Variants in PLEKHD1 observed in about 807,000 individuals in gnomAD.
PLEKHD1 encodes pleckstrin homology domain-containing family D member 1.
Under a neutral mutation model 69.2 loss-of-function variants are expected in PLEKHD1, and 51 were observed. The ratio of observed to expected loss-of-function variants is 0.74; its 90% confidence interval spans 0.59 to 0.93. The LOEUF is 0.93. Among genes scored for constraint, PLEKHD1 ranks in the 40% least tolerant of loss-of-function variants. The pLI is 0.00. For missense variants in PLEKHD1, 584 were observed against 641.0 expected, an observed-to-expected ratio of 0.91 and a Z score of 0.96; for synonymous variants, 236 against 244.7, an observed-to-expected ratio of 0.96 and a Z score of 0.33.
At chr14:69,476,994 T>TTTTATTTATTTA in the PLEKHD1 span, among the ~76,000 whole-genome samples, 2 of 149,358 alleles carry the variant, frequency 1.3e-5, no homozygotes, top group African/African-American at 5.0e-5. Flanking sequence ...CTCCCCTTTA[T>TTTTATTTATTTA]TTTATTTATT....
intron 1 of PLEKHD1, among the ~76,000 whole-genome samples, chr14:69,494,222 T>A (rs933092977): frequency 2.0e-5 from 3 of 152,204 alleles, no homozygotes; most frequent in Admixed American, 1.3e-4. Context: ...TTATTATTAT[T>A]ATATAGGTAT....
At position 69,527,220 on chromosome 14, in the gene PLEKHD1, G is replaced by T. The variant is rs1439733606; in HGVS notation, c.1089G>T (p.Arg363Ser). The T allele has an allele frequency of 5.2e-6, 8 of 1,551,436 alleles. No individual in the cohort carries two copies. The Admixed American group carries it at 1.6e-4, about 30-fold the overall frequency. The change falls in exon 11 of 13, where the codon AGG (arginine) becomes AGT (serine). Residue 363 changes from arginine to serine, a missense_variant. Transcript: ENST00000322564. ...AEVKVRMDLE[R>S]RLREAEGALR... ...TGAAGGTCCGCATGGACCTGGAGAG[G>T]CGTCTCCGGGAGGCAGAAGGGGCCT... is the stretch of plus-strand genomic sequence containing the variant.
chr14:69,476,775 G>C, the PLEKHD1 span, among the ~76,000 whole-genome samples: 3 of 152,142 alleles, frequency 2.0e-5, no homozygotes, highest in African/African-American at 7.2e-5. Context: ...GCGCGGACAG[G>C]GGCCAGGGAC....
At chr14:69,520,912 G>C (rs571046469) in intron 6 of PLEKHD1, among the ~76,000 whole-genome samples, 3 of 152,068 alleles carry the variant, frequency 2.0e-5, no homozygotes, top group Non-Finnish European at 4.4e-5. Flanking sequence ...CTAGTCCCAC[G>C]GACCCACTCA....
rs904160403 is a variant in PLEKHD1, at chr14:69,529,394, A to T, written c.*975A>T. On this transcript the variant is annotated 3_prime_UTR_variant, in exon 13 of 13. Transcript: ENST00000322564. ...TGTCTCTACAAAAAATAAAAAAAATAAAATAAATAGCTGGGCATGGTGGTG... is the reference window on the plus strand; with the variant it reads ...TGTCTCTACAAAAAATAAAAAAAATTAAATAAATAGCTGGGCATGGTGGTG... 1 of 152,146 alleles carries T rather than the reference A, an allele frequency of 6.6e-6. No individual in the cohort carries two copies. Among genetic ancestry groups the T allele is most frequent in the African/African-American group, 2.4e-5 (1 of 41,430 alleles). The allele number at this position is 152,146 out of a possible 1,614,324, so 9.4% of individuals were successfully genotyped here.
intron 6 of PLEKHD1, among the ~76,000 whole-genome samples, chr14:69,508,129 C>T (rs191755656): frequency 1.6e-3 from 238 of 152,080 alleles, no homozygotes; most frequent in African/African-American, 5.5e-3. Context: ...TTTTTTTAGG[C>T]CGGGCGTGGT....
chr14:69,485,529 G>C (rs1485589147), intron 1 of PLEKHD1, among the ~76,000 whole-genome samples: 1 of 151,760 alleles, frequency 6.6e-6, no homozygotes, highest in Non-Finnish European at 1.5e-5. Context: ...CCCAGGCCGC[G>C]AGGACCGGGC....
intron 1 of PLEKHD1, among the ~76,000 whole-genome samples, chr14:69,498,086 ATTTTATTTTATTT>A (rs1162569105): frequency 1.4e-5 from 2 of 143,160 alleles, no homozygotes; most frequent in African/African-American, 5.4e-5. Flanking sequence ...ATTTTATTTT[ATTTTATTTTATTT>A]TATTTTAGAG....
chr14:69,493,993 C>A (rs1882832574), intron 1 of PLEKHD1, among the ~76,000 whole-genome samples: 1 of 152,180 alleles, frequency 6.6e-6, no homozygotes, highest in South Asian at 2.1e-4. Context: ...GGTCAGGGAG[C>A]TGGCCAGCTG....
chr14:69,489,864 T>C (rs1381431166), intron 1 of PLEKHD1, among the ~76,000 whole-genome samples: 2 of 151,932 alleles, frequency 1.3e-5, no homozygotes, highest in African/African-American at 4.8e-5. Context: ...ATTTTTTGTT[T>C]GTTTGTTTGT....
At chr14:69,516,775 TCCTCTCA>T (rs1330386360) in intron 6 of PLEKHD1, among the ~76,000 whole-genome samples, 1 of 152,154 alleles carries the variant, frequency 6.6e-6, no homozygotes, top group African/African-American at 2.4e-5. Context: ...GCTCAAGTGA[TCCTCTCA>T]CCTCAGCCTT....
chr14:69,500,315 G>T, intron 2 of PLEKHD1, 107 bp downstream of exon 2: 1 of 969,734 alleles, frequency 1.0e-6, no homozygotes, highest in Non-Finnish European at 1.5e-6. Context: ...GCCTAGCAGA[G>T]AGTCTGGAGA....
intron 6 of PLEKHD1, among the ~76,000 whole-genome samples, chr14:69,509,374 C>T (rs1196691585): frequency 6.6e-6 from 1 of 152,152 alleles, no homozygotes; most frequent in Admixed American, 6.6e-5. Flanking sequence ...TCCATCTTAT[C>T]AATTACTTCC....
chr14:69,490,059 G>T (rs142168100), intron 1 of PLEKHD1, among the ~76,000 whole-genome samples: 83 of 152,256 alleles, frequency 5.5e-4, no homozygotes, highest in African/African-American at 1.9e-3. Context: ...GTAGAGATGG[G>T]GTTTCGCCAT....
At chr14:69,475,723 A>G in the PLEKHD1 span, among the ~76,000 whole-genome samples, 4 of 152,046 alleles carry the variant, frequency 2.6e-5, no homozygotes, top group Non-Finnish European at 4.4e-5. Context: ...GCACCCAGAG[A>G]TGGGTCAACT....
At chr14:69,493,670 G>T (rs1342968017) in intron 1 of PLEKHD1, among the ~76,000 whole-genome samples, 1 of 152,220 alleles carries the variant, frequency 6.6e-6, no homozygotes, top group Non-Finnish European at 1.5e-5. Context: ...TCTCCTCAAA[G>T]ATTACCTTCT....
chr14:69,525,505 C>T (rs186828675), intron 8 of PLEKHD1, among the ~76,000 whole-genome samples: 2 of 152,120 alleles, frequency 1.3e-5, no homozygotes, highest in African/African-American at 4.8e-5. Flanking sequence ...GGTTTGGGGA[C>T]AGGTTCTAGC....
chr14:69,512,324 C>G (rs770142707), intron 6 of PLEKHD1, among the ~76,000 whole-genome samples: 1 of 151,936 alleles, frequency 6.6e-6, no homozygotes, highest in South Asian at 2.1e-4. Context: ...TTTTATTTAT[C>G]TTTTCAAAGA....
At chr14:69,498,893 C>T (rs941978645) in intron 1 of PLEKHD1, among the ~76,000 whole-genome samples, 5 of 152,032 alleles carry the variant, frequency 3.3e-5, no homozygotes, top group African/African-American at 1.2e-4. Context: ...AGTGATCCGC[C>T]CGCCTCAGCC....
Sources: allele counts gnomAD v4.1 joint callset (sites outside exome capture counted in the v4.1 genomes callset), GRCh38; gene constraint gnomAD v4.1.1; transcripts MANE v1.5; gene names NCBI Gene and HGNC (gene_info 2026-07-23, HGNC 2026-07-21).